The following GPD2 variants were observed in gnomAD, a reference collection of about 807,000 sequenced individuals.
GPD2 encodes the protein glycerol-3-phosphate dehydrogenase 2.
A neutral mutation model predicts 82.4 loss-of-function variants in GPD2; 54 were observed. That is an observed-to-expected ratio of 0.66 (90% CI 0.53 to 0.82). The LOEUF (loss-of-function observed/expected upper bound fraction) is 0.82. Ranked by LOEUF, GPD2 falls within the 40% of genes least tolerant of loss-of-function variation. GPD2 has a pLI of 0.00. For missense variants in GPD2, 748 were observed against 896.2 expected, an observed-to-expected ratio of 0.83 and a Z score of 2.11; for synonymous variants, 288 against 306.1, an observed-to-expected ratio of 0.94 and a Z score of 0.62.
At chr2:156,418,710 C>T in the GPD2 span, among the ~76,000 whole-genome samples, 29,548 of 151,954 alleles carry the variant, frequency 0.19, 3,284 homozygotes, top group Non-Finnish European at 0.24. Flanking sequence ...ACCCAAGCAC[C>T]GTGATTCCAA....
chr2:156,535,386 A>C (rs1686032487), intron 6 of GPD2, among the ~76,000 whole-genome samples: 1 of 51,954 alleles, frequency 1.9e-5, no homozygotes, highest in African/African-American at 5.7e-5. Flanking sequence ...AGAGAAAAAG[A>C]CCTGGGGGGG....
intron 1 of GPD2, among the ~76,000 whole-genome samples, chr2:156,441,852 A>G (rs1487481742): frequency 6.6e-6 from 1 of 152,098 alleles, no homozygotes; most frequent in Non-Finnish European, 1.5e-5. Context: ...GGTGTGGAAA[A>G]CCCATACATT....
At chr2:156,546,606 G>C (rs888245379) in intron 6 of GPD2, among the ~76,000 whole-genome samples, 1 of 152,166 alleles carries the variant, frequency 6.6e-6, no homozygotes, top group Non-Finnish European at 1.5e-5. Context: ...GGGTGGAGGT[G>C]TGAGGCCCAG....
chr2:156,583,317 T>C lies in GPD2; in HGVS notation c.*399T>C, dbSNP rs543431297. 1 of 244,762 alleles carries C rather than the reference T, an allele frequency of 4.1e-6. No individual in the cohort carries two copies. The highest frequency in any genetic ancestry group is 2.3e-5 in the African/African-American group (1 of 44,290). The allele number at this position is 244,762 out of a possible 1,614,324, so 15.2% of individuals were successfully genotyped here. ...ACATGCATACAGATAGCATGTGTTA[T>C]TAAAAAGAGTTGCCTATTGAAATGA... On this transcript the variant is annotated 3_prime_UTR_variant, in exon 17 of 17. Coordinates refer to ENST00000438166, the MANE Select transcript of GPD2 (RefSeq NM_000408.5).
chr2:156,478,529 AGC>A (rs1683601311), intron 2 of GPD2, among the ~76,000 whole-genome samples: 1 of 152,174 alleles, frequency 6.6e-6, no homozygotes, highest in Non-Finnish European at 1.5e-5. Context: ...AAAAAATAAA[AGC>A]AAGAATGAGA....
chr2:156,449,946 G>C (rs1442073531), intron 1 of GPD2, among the ~76,000 whole-genome samples: 2 of 151,804 alleles, frequency 1.3e-5, no homozygotes, highest in Non-Finnish European at 2.9e-5. Flanking sequence ...GGGAGGTGGA[G>C]GTTGCAGTGA....
intron 6 of GPD2, among the ~76,000 whole-genome samples, chr2:156,539,042 A>AAC (rs1363708633): frequency 1.3e-5 from 2 of 152,144 alleles, no homozygotes; most frequent in Non-Finnish European, 2.9e-5. Context: ...TTTCCAAATA[A>AAC]ACATTAATTC....
chr2:156,407,577 C>G, the GPD2 span, among the ~76,000 whole-genome samples: 1 of 152,112 alleles, frequency 6.6e-6, no homozygotes, highest in East Asian at 1.9e-4. Flanking sequence ...GGATTAGAAT[C>G]AAAGCATGGA....
At chr2:156,493,425 C>T (rs297583) in intron 2 of GPD2, among the ~76,000 whole-genome samples, 149,002 of 152,130 alleles carry the variant, frequency 0.98, 73,040 homozygotes, top group East Asian at 1. Flanking sequence ...GTTAGAGATA[C>T]ATGTAAGAGG....
intron 3 of GPD2, among the ~76,000 whole-genome samples, chr2:156,510,360 A>G (rs1684951494): frequency 6.6e-6 from 1 of 152,192 alleles, no homozygotes; most frequent in Non-Finnish European, 1.5e-5. Flanking sequence ...AGATTTATTC[A>G]TGATGCATGC....
intron 6 of GPD2, among the ~76,000 whole-genome samples, chr2:156,538,030 G>A (rs184560334): frequency 1.6e-4 from 25 of 152,320 alleles, no homozygotes; most frequent in Non-Finnish European, 3.4e-4. Flanking sequence ...GTATGTGGTT[G>A]CAATTTGACA....
At chr2:156,457,214 A>G (rs1204889174) in intron 1 of GPD2, among the ~76,000 whole-genome samples, 1 of 152,226 alleles carries the variant, frequency 6.6e-6, no homozygotes, top group Non-Finnish European at 1.5e-5. Context: ...AATAAATACC[A>G]AGAAGTACTA....
chr2:156,504,444 C>T lies in GPD2; in HGVS notation c.275-6352C>T, dbSNP rs569673314. On this transcript the variant is annotated intron_variant, in intron 3 of 16. Coordinates refer to ENST00000438166, the MANE Select transcript of GPD2 (RefSeq NM_000408.5). ...CTACATGCAGCATGTGGCTTTAATA[C>T]CTGTTCTTATGGTGCTAACATACAA... 1.1e-4 allele frequency among the ~76,000 whole-genome samples: 16 copies of T among 150,636 alleles called. 1 individual carries two copies. Among genetic ancestry groups the T allele is most frequent in the African/African-American group, 3.9e-4 (16 of 41,202 alleles).
chr2:156,476,353 G>C lies in GPD2; in HGVS notation c.102+146G>C, dbSNP rs191532394. 5 of 669,680 alleles carry C rather than the reference G, an allele frequency of 7.5e-6. No individual in the cohort carries two copies. The Admixed American group carries it at 1.1e-4, about 15-fold the overall frequency. 41.5% of individuals were successfully genotyped at this position (669,680 alleles called of 1,614,324 possible). ...ATCTGAAAGATACTAATTTAGAACA[G>C]TGCCTTAATGATCCTGGAGAACTGT... is the stretch of plus-strand genomic sequence containing the variant. On this transcript the variant is annotated intron_variant, in intron 2 of 16. Transcript: ENST00000438166.
chr2:156,426,174 T>C, the GPD2 span, among the ~76,000 whole-genome samples: 802 of 152,258 alleles, frequency 5.3e-3, 7 homozygotes, highest in Middle Eastern at 0.041. Context: ...CCGCCCGCCT[T>C]GGCCTCCCAA....
At chr2:156,545,784 C>CT (rs35946145) in intron 6 of GPD2, among the ~76,000 whole-genome samples, 8 of 151,880 alleles carry the variant, frequency 5.3e-5, no homozygotes, top group Non-Finnish European at 8.8e-5. Flanking sequence ...GATTATTTTT[C>CT]TTTTTTTGAG....
At chr2:156,485,654 A>G (rs1032746576) in intron 2 of GPD2, among the ~76,000 whole-genome samples, 21 of 152,332 alleles carry the variant, frequency 1.4e-4, no homozygotes, top group African/African-American at 4.6e-4. Context: ...TGTTGCTCAC[A>G]TTACAGTTCA....
intron 2 of GPD2, among the ~76,000 whole-genome samples, chr2:156,481,226 G>A (rs567852371): frequency 8.5e-5 from 13 of 152,050 alleles, no homozygotes; most frequent in Middle Eastern, 3.4e-3. Context: ...TGATATTTCT[G>A]TGCATGTATA....
chr2:156,532,878 A>C (rs1363288861), intron 6 of GPD2, among the ~76,000 whole-genome samples: 1 of 152,256 alleles, frequency 6.6e-6, no homozygotes, highest in African/African-American at 2.4e-5. Flanking sequence ...AATAAGGATT[A>C]GTTGCCATAA....
Sources: gnomAD v4.1 joint callset for allele counts (sites outside exome capture counted in the v4.1 genomes callset) on GRCh38, gnomAD v4.1.1 for gene constraint, MANE v1.5 for transcripts, NCBI Gene and HGNC (gene_info 2026-07-23, HGNC 2026-07-21) for gene names.